The following FSTL5 variants were observed in gnomAD, a reference collection of about 807,000 sequenced individuals.
FSTL5 encodes follistatin-related protein 5.
In FSTL5, 62 loss-of-function variants were observed where a neutral mutation model predicts 89.1. That is an observed-to-expected ratio of 0.70 (90% confidence interval 0.57 to 0.86). FSTL5 has a LOEUF of 0.86. Ranked by LOEUF, FSTL5 falls within the 40% of genes least tolerant of loss-of-function variation. The pLI is 0.00. For missense variants in FSTL5, 1,057 were observed against 1,001.6 expected, an observed-to-expected ratio of 1.06 and a Z score of -0.75; for synonymous variants, 383 against 346.2, an observed-to-expected ratio of 1.11 and a Z score of -1.18.
intron 2 of FSTL5, among the ~76,000 whole-genome samples, chr4:162,065,111 G>C (rs575667928): frequency 2.1e-4 from 32 of 151,778 alleles, no homozygotes; most frequent in Non-Finnish European, 4.0e-4. Context: ...ACTTAACATG[G>C]AATAAAGACT....
intron 11 of FSTL5, among the ~76,000 whole-genome samples, chr4:161,504,479 T>A (rs868732981): frequency 1.1e-5 from 1 of 92,796 alleles, no homozygotes; most frequent in South Asian, 4.1e-4. Context: ...TTCGTTTTTG[T>A]TTTTTTTTTC....
intron 6 of FSTL5, among the ~76,000 whole-genome samples, chr4:161,711,392 A>G (rs1276763766): frequency 4.6e-5 from 7 of 152,030 alleles, no homozygotes; most frequent in African/African-American, 1.7e-4. Flanking sequence ...CTGTATGCCA[A>G]TAAATTAGAT....
At chr4:161,462,893 A>G (rs543058193) in intron 13 of FSTL5, among the ~76,000 whole-genome samples, 8 of 152,226 alleles carry the variant, frequency 5.3e-5, no homozygotes, top group African/African-American at 1.9e-4. Flanking sequence ...TGAAAAGAGC[A>G]CTTAAAATAA....
rs1736092848 is a variant in FSTL5 at position 161,990,903 on chromosome 4, T to G, written c.160+42722A>C. ...TGACTCTCTCTAGTTAGGTGTTGGG[T>G]GTGCATGTCCAAACTTGCTGTCTCC... On this transcript the variant is annotated intron_variant, in intron 3 of 15. Coordinates refer to ENST00000306100, the MANE Select transcript of FSTL5 (RefSeq NM_020116.5). Among the ~76,000 whole-genome samples the G allele has an allele frequency of 2.6e-5, 4 of 152,244 alleles. 1 individual carries two copies. The South Asian group carries it at 8.3e-4, about 32-fold the overall frequency.
chr4:161,879,314 T>A (rs1462957962), intron 4 of FSTL5, among the ~76,000 whole-genome samples: 4 of 152,204 alleles, frequency 2.6e-5, no homozygotes, highest in Non-Finnish European at 5.9e-5. Flanking sequence ...CCAACCCCTG[T>A]AATAGCTTCC....
At chr4:162,066,373 CCTTCTTCTT>C (rs1194587094) in intron 2 of FSTL5, among the ~76,000 whole-genome samples, 1 of 56,240 alleles carries the variant, frequency 1.8e-5, no homozygotes, top group Non-Finnish European at 3.8e-5. Context: ...TTCTTCTTCT[CCTTCTTCTT>C]CTTCTTCATT....
At position 161,570,664 on chromosome 4, in the gene FSTL5, T is replaced by C. The variant is rs940961462; in HGVS notation, c.1015+16791A>G. The stretch of plus-strand genomic sequence containing the variant: ...TAATAGTTCAGAGATCTTTATCAAG[T>C]GTTTACAAACATCGTAGATAAAATT... On this transcript the variant is annotated intron_variant, in intron 8 of 15. Coordinates refer to ENST00000306100, the MANE Select transcript of FSTL5 (RefSeq NM_020116.5). 2.0e-5 allele frequency among the ~76,000 whole-genome samples: 3 copies of C among 152,196 alleles called. No individual in the cohort carries two copies. In the East Asian group the frequency reaches 5.8e-4, roughly 29 times the overall value.
At chr4:161,541,165 C>T (rs1398714357) in intron 9 of FSTL5, among the ~76,000 whole-genome samples, 1 of 151,958 alleles carries the variant, frequency 6.6e-6, no homozygotes, top group Non-Finnish European at 1.5e-5. Context: ...GTTTTATACC[C>T]CTATGTGTGT....
intron 4 of FSTL5, among the ~76,000 whole-genome samples, chr4:161,793,162 C>T (rs1242721022): frequency 6.6e-6 from 1 of 152,238 alleles, no homozygotes; most frequent in African/African-American, 2.4e-5. Context: ...GCTGCCTGCC[C>T]TGCTGAAGCA....
chr4:162,034,123 G>A (rs13126427), intron 2 of FSTL5, among the ~76,000 whole-genome samples: 38,291 of 151,840 alleles, frequency 0.25, 5,429 homozygotes, highest in Non-Finnish European at 0.32. Flanking sequence ...TTTTATTGGA[G>A]TAGTAATAAC....
chr4:161,421,279 T>G (rs1041005829), intron 15 of FSTL5, among the ~76,000 whole-genome samples: 8 of 150,902 alleles, frequency 5.3e-5, no homozygotes, highest in Non-Finnish European at 8.8e-5. Flanking sequence ...AGGTGGAGCT[T>G]GCAGTGAGCC....
intron 7 of FSTL5, among the ~76,000 whole-genome samples, chr4:161,637,744 T>A (rs1487170489): frequency 2.5e-5 from 3 of 118,728 alleles, no homozygotes; most frequent in Non-Finnish European, 4.9e-5. Context: ...TGCTTGTTTT[T>A]CTCAGGTTTG....
chr4:162,081,082 T>C (rs183720262), intron 2 of FSTL5, among the ~76,000 whole-genome samples: 208 of 151,830 alleles, frequency 1.4e-3, no homozygotes, highest in Non-Finnish European at 2.5e-3. Context: ...GGCATATTTT[T>C]ATCCACGCCC....
chr4:162,162,920 T>C (rs928293041), intron 1 of FSTL5, among the ~76,000 whole-genome samples: 1 of 152,188 alleles, frequency 6.6e-6, no homozygotes, highest in African/African-American at 2.4e-5. Flanking sequence ...CTGAGGGGGT[T>C]GCAAGGGGAT....
chr4:161,772,411 G>A (rs971208167), intron 5 of FSTL5, among the ~76,000 whole-genome samples: 42 of 151,868 alleles, frequency 2.8e-4, no homozygotes, highest in African/African-American at 9.7e-4. Context: ...TCAAACTGTC[G>A]CTGTTTGCTG....
chr4:162,102,831 T>C (rs1420480086), intron 2 of FSTL5, among the ~76,000 whole-genome samples: 1 of 148,624 alleles, frequency 6.7e-6, no homozygotes, highest in Non-Finnish European at 1.5e-5. Context: ...TTTAATATAC[T>C]ATAGACATTT....
intron 5 of FSTL5, among the ~76,000 whole-genome samples, chr4:161,770,562 A>G (rs1741172099): frequency 6.6e-6 from 1 of 151,982 alleles, no homozygotes; most frequent in South Asian, 2.1e-4. Flanking sequence ...GGACTTACAG[A>G]TGTTTAAGTA....
At position 162,113,571 on chromosome 4, in the gene FSTL5, C is replaced by G. The variant is rs577533810; in HGVS notation, c.-16-2159G>C. Among the ~76,000 whole-genome samples the G allele has an allele frequency of 9.2e-5, 14 of 152,318 alleles. No individual in the cohort carries two copies. The East Asian group carries it at 2.7e-3, about 29-fold the overall frequency. ...ACTTTTAAGATAAAAACCAAAATCCCTGACCTAGCTGACAAGTTCCCAGTG... is the reference window on the plus strand; with the variant it reads ...ACTTTTAAGATAAAAACCAAAATCCGTGACCTAGCTGACAAGTTCCCAGTG... On this transcript the variant is annotated intron_variant, in intron 1 of 15. Transcript: ENST00000306100.
chr4:161,821,643 C>A, intron 4 of FSTL5, among the ~76,000 whole-genome samples: 1 of 152,138 alleles, frequency 6.6e-6, no homozygotes, highest in East Asian at 1.9e-4. Context: ...AGCTTAGCTC[C>A]CACTTATGAG....
Sources: allele counts gnomAD v4.1 joint callset (sites outside exome capture counted in the v4.1 genomes callset), GRCh38; gene constraint gnomAD v4.1.1; transcripts MANE v1.5; gene names NCBI Gene and HGNC (gene_info 2026-07-23, HGNC 2026-07-21).